MORC4: variants seen among roughly 807,000 people sequenced by gnomAD.
The protein encoded by MORC4 is MORC family CW-type zinc finger protein 4.
A neutral mutation model predicts 65.5 loss-of-function variants in MORC4; 22 were observed. The ratio of observed to expected loss-of-function variants is 0.34; its 90% CI spans 0.24 to 0.48. The LOEUF is 0.48. Ranked by LOEUF, MORC4 falls within the 20% of genes least tolerant of loss-of-function variation. The probability of loss-of-function intolerance (pLI) is 0.99; values close to 1 mark genes in which losing one functional copy is unlikely to be tolerated. For synonymous variants in MORC4, 267 were observed against 255.8 expected, an observed-to-expected ratio of 1.04 and a Z score of -0.42; for missense variants, 624 against 703.0, an observed-to-expected ratio of 0.89 and a Z score of 1.27.
chrX:106,963,340 C>A (rs1206827151), intron 9 of MORC4, among the ~76,000 whole-genome samples: 1 of 111,892 alleles, frequency 8.9e-6, no homozygotes, highest in Admixed American at 9.5e-5. Flanking sequence ...AAGTTTGCAA[C>A]TTCCAGGAGA....
chrX:106,957,654 C>A (rs1271892984), intron 11 of MORC4, among the ~76,000 whole-genome samples: 1 of 111,288 alleles, frequency 9.0e-6, no homozygotes, highest in Admixed American at 9.6e-5. Flanking sequence ...AAAGTTAATG[C>A]CTAAAGATAT....
intron 3 of MORC4, 104 bp downstream of exon 3, chrX:106,993,126 T>C (rs1001212517): frequency 3.6e-6 from 3 of 842,235 alleles, no homozygotes; most frequent in African/African-American, 4.1e-5. Context: ...TAATAAATAT[T>C]TGTTGAATGA....
At chrX:106,959,903 G>C (rs1172527209) in intron 10 of MORC4, among the ~76,000 whole-genome samples, 1 of 112,669 alleles carries the variant, frequency 8.9e-6, no homozygotes, top group African/African-American at 3.2e-5. Flanking sequence ...CTAGAAAATA[G>C]AGAAATATAT....
Position 106,942,807 on chromosome X carries a change from A to G in MORC4, c.2084T>C (p.Val695Ala). The G allele has an allele frequency of 8.3e-7, 1 of 1,211,579 alleles. No individual in the cohort carries two copies. The highest frequency in any genetic ancestry group is 1.8e-5 in the South Asian group (1 of 56,935). ...EVNKGPFVAV[V>A]GVAKGVRDSG... ...ATCTCTAACACCTTTGGCAACACCC[A>G]CAACAGCTACAAAAGGTCCCTTGTT... Residue 695 changes from valine (V) to alanine (A), a missense_variant, in exon 15 of 17, where the codon GTG becomes GCG. Coordinates refer to ENST00000355610, the MANE Select transcript of MORC4 (RefSeq NM_024657.5).
At chrX:106,966,409 C>G (rs934279349) in intron 9 of MORC4, among the ~76,000 whole-genome samples, 5 of 112,456 alleles carry the variant, frequency 4.4e-5, no homozygotes, top group Non-Finnish European at 7.5e-5. Flanking sequence ...AACTGAGGTA[C>G]CTGGTTCATC....
chrX:106,981,256 T>G, intron 6 of MORC4, 89 bp downstream of exon 6: 1 of 1,006,669 alleles, frequency 9.9e-7, no homozygotes, highest in Non-Finnish European at 1.4e-6. Flanking sequence ...GTTGTTATCT[T>G]TGTATAACTA....
chrX:106,988,455 C>T (rs1353262391), intron 3 of MORC4, among the ~76,000 whole-genome samples: 2 of 111,331 alleles, frequency 1.8e-5, no homozygotes, highest in African/African-American at 3.3e-5. Context: ...ATAAGAATAA[C>T]GAGAAGAGAG....
intron 14 of MORC4, among the ~76,000 whole-genome samples, chrX:106,952,491 G>A (rs1278700678): frequency 8.9e-6 from 1 of 112,222 alleles, no homozygotes; most frequent in Non-Finnish European, 1.9e-5. Context: ...GTCATTATGC[G>A]GCACGATTAT....
At chrX:106,945,414 TTGTGTGTGTGTGTGTGTGTGTGTG>T (rs35077497) in intron 14 of MORC4, among the ~76,000 whole-genome samples, 145 of 83,257 alleles carry the variant, frequency 1.7e-3, no homozygotes, top group African/African-American at 6.1e-3. Context: ...ACTTACTACT[TTGTGTGTGTGTGTGTGTGTGTGTG>T]TGTGTGTGTG....
chrX:106,957,811 G>T (rs1468804667), intron 11 of MORC4, among the ~76,000 whole-genome samples: 2 of 111,533 alleles, frequency 1.8e-5, no homozygotes, highest in East Asian at 5.6e-4. Context: ...GAACATCATC[G>T]ACTTGACCTG....
chrX:106,969,075 G>A (rs760360043), intron 9 of MORC4, among the ~76,000 whole-genome samples: 4 of 111,744 alleles, frequency 3.6e-5, no homozygotes, highest in South Asian at 7.5e-4. Flanking sequence ...AATTGACCAA[G>A]TAATTGGAAG....
intron 9 of MORC4, 69 bp from the exon 10 acceptor site, chrX:106,962,179 T>A: frequency 1.2e-6 from 1 of 802,445 alleles, no homozygotes; most frequent in East Asian, 3.2e-5. Context: ...CTTTGAGAAG[T>A]TCCCATTTAA....
At chrX:106,944,427 A>T (rs968843340) in intron 14 of MORC4, among the ~76,000 whole-genome samples, 1 of 112,199 alleles carries the variant, frequency 8.9e-6, no homozygotes, top group African/African-American at 3.2e-5. Flanking sequence ...AAGGAAAAGT[A>T]TATAATACTA....
intron 9 of MORC4, among the ~76,000 whole-genome samples, chrX:106,968,474 C>T (rs1934425507): frequency 1.8e-5 from 2 of 109,079 alleles, no homozygotes; most frequent in South Asian, 8.1e-4. Flanking sequence ...CAATATTAAC[C>T]TTAAATGTAA....
intron 13 of MORC4, among the ~76,000 whole-genome samples, chrX:106,956,222 A>C (rs185824803): frequency 8.9e-6 from 1 of 111,961 alleles, no homozygotes; most frequent in African/African-American, 3.2e-5. Flanking sequence ...GTGACATTGA[A>C]TGTGATATTC....
intron 2 of MORC4, among the ~76,000 whole-genome samples, chrX:106,997,137 C>T (rs1343320818): frequency 2.7e-5 from 3 of 112,046 alleles, no homozygotes; most frequent in African/African-American, 9.7e-5. Flanking sequence ...CCTATTCTTC[C>T]TTTGTTACAA....
intron 9 of MORC4, among the ~76,000 whole-genome samples, chrX:106,965,786 C>T (rs968548717): frequency 8.9e-6 from 1 of 111,931 alleles, no homozygotes; most frequent in African/African-American, 3.2e-5. Context: ...CACAAATTAC[C>T]TTAGAGAATA....
chrX:106,970,841 C>T (rs888014028), intron 9 of MORC4, among the ~76,000 whole-genome samples: 7 of 111,974 alleles, frequency 6.3e-5, no homozygotes, highest in African/African-American at 2.3e-4. Flanking sequence ...GAAAAACACT[C>T]CATGCTCATG....
At chrX:106,949,575 C>T (rs1569296025) in intron 14 of MORC4, among the ~76,000 whole-genome samples, 1 of 112,406 alleles carries the variant, frequency 8.9e-6, no homozygotes, top group South Asian at 3.7e-4. Context: ...TTAGTGACTT[C>T]GCTGAACTGA....
Sources: gnomAD v4.1 joint callset for allele counts (sites outside exome capture counted in the v4.1 genomes callset) on GRCh38, gnomAD v4.1.1 for gene constraint, MANE v1.5 for transcripts, NCBI Gene and HGNC (gene_info 2026-07-23, HGNC 2026-07-21) for gene names.